NAV1: variants seen among roughly 807,000 people sequenced by gnomAD.
The protein encoded by NAV1 is pore membrane and/or filament interacting like protein 3.
NAV1 carries 18 observed loss-of-function variants against 175.2 expected under a neutral mutation model. That is an observed-to-expected ratio of 0.10 (90% CI 0.07 to 0.15). NAV1 has a LOEUF of 0.15. Among genes scored for constraint, NAV1 ranks in the 10% least tolerant of loss-of-function variants. The pLI is 1.00. For missense variants in NAV1, 1,731 were observed against 2,436.6 expected, an observed-to-expected ratio of 0.71 and a Z score of 6.10; for synonymous variants, 897 against 978.7, an observed-to-expected ratio of 0.92 and a Z score of 1.56.
intron 13 of NAV1, 116 bp from the exon 18 acceptor site, chr1:201,793,676 C>A: frequency 1.2e-6 from 1 of 829,470 alleles, no homozygotes; most frequent in Non-Finnish European, 2.0e-6. Flanking sequence ...AAGAGGTTTG[C>A]TGGCATTGGT....
intron 1 of NAV1, among the ~76,000 whole-genome samples, chr1:201,687,855 C>G: frequency 6.6e-6 from 1 of 152,200 alleles, no homozygotes; most frequent in East Asian, 1.9e-4. Flanking sequence ...CTCCAAGGCC[C>G]TCCCTCAGAT....
At chr1:201,648,804 C>A (rs1264708939) in exon 1 of NAV1, 1 of 1,550,952 alleles carries the variant, frequency 6.4e-7, no homozygotes, top group East Asian at 2.3e-5. Flanking sequence ...GCTGCCCAAG[C>A]GCGCCAAGGC....
intron 15 of NAV1, 112 bp from the exon 20 acceptor site, chr1:201,803,481 T>C: frequency 9.5e-7 from 1 of 1,057,938 alleles, no homozygotes. Context: ...AATAATGTGA[T>C]TGAGGAGTTG....
chr1:201,715,360 A>G (rs1034099496), intron 2 of NAV1, among the ~76,000 whole-genome samples: 1 of 152,160 alleles, frequency 6.6e-6, no homozygotes, highest in South Asian at 2.1e-4. Flanking sequence ...GGGTTTCACC[A>G]TGTTGGCCAG....
At chr1:201,646,202 A>G (rs10920225), upstream of NAV1, among the ~76,000 whole-genome samples, 34,118 of 152,114 alleles carry the variant, frequency 0.22, 4,245 homozygotes, top group Admixed American at 0.37. Flanking sequence ...TCCTTTAACC[A>G]GTTCTTCACT....
At chr1:201,762,018 G>A (rs776129050) in intron 3 of NAV1, among the ~76,000 whole-genome samples, 1 of 152,110 alleles carries the variant, frequency 6.6e-6, no homozygotes, top group Non-Finnish European at 1.5e-5. Context: ...AAATTATCTG[G>A]GCATGGTGGC....
Position 201,718,262 on chromosome 1 carries a change from T to A in NAV1, c.861-128T>A. The A allele has an allele frequency of 1.0e-6, 1 of 976,088 alleles. No homozygotes were observed. The allele number at this position is 976,088 out of a possible 1,614,324, so 60.5% of individuals were successfully genotyped here. A position where few individuals can be genotyped will look rare whatever the true frequency, so the allele number is the denominator to read the frequency against. Reference sequence around the variant, plus strand: ...AGAGGCCTCATGGAGGAGGTGGAGCTTGGGCAGGTGGGGAGGAGGTGACAG... The same window carrying A: ...AGAGGCCTCATGGAGGAGGTGGAGCATGGGCAGGTGGGGAGGAGGTGACAG... On this transcript the variant is annotated intron_variant, in intron 2 of 29. Transcript: ENST00000367296. This position sits in a 1 kb window ranked among gnomAD's most constrained non-coding sequence, Gnocchi z 4.8.
In NAV1 at chr1:201,809,932, G is replaced by T. The variant is rs756809411; in HGVS notation, c.4402-14G>T. 23 of 1,602,334 alleles carry T rather than the reference G, an allele frequency of 1.4e-5. No individual in the cohort carries two copies. Among genetic ancestry groups the T allele is most frequent in the Non-Finnish European group, 1.9e-5 (22 of 1,172,910 alleles). ...TGTATATTTTCTTCTTCTTCTGCCTGTCTTTTCTGTCAGGACTATATTTCT... is the reference window on the plus strand; with the variant it reads ...TGTATATTTTCTTCTTCTTCTGCCTTTCTTTTCTGTCAGGACTATATTTCT... On this transcript the variant is annotated splice_polypyrimidine_tract_variant and intron_variant, in intron 22 of 29. Transcript: ENST00000367296.
intron 2 of NAV1, among the ~76,000 whole-genome samples, chr1:201,713,888 A>T (rs1214480126): frequency 6.6e-6 from 1 of 152,170 alleles, no homozygotes; most frequent in Non-Finnish European, 1.5e-5. Flanking sequence ...TGAGGATGGG[A>T]CCACACCCAT....
chr1:201,702,674 C>CCCTCTCTCTCTCTCTCTT lies in NAV1; in HGVS notation c.758-10143_758-10142insCCTCTCTCTCTCTCTCTT, dbSNP rs1397020969. 2.2e-4 allele frequency among the ~76,000 whole-genome samples: 28 copies of CCCTCTCTCTCTCTCTCTT among 130,156 alleles called. 6 individuals are homozygous for CCCTCTCTCTCTCTCTCTT. The highest frequency in any genetic ancestry group is 8.9e-4 in the African/African-American group (28 of 31,478). The allele number at this position is 130,156 out of a possible 152,430, so 85.4% of individuals were successfully genotyped here. A position where few individuals can be genotyped will look rare whatever the true frequency, so the allele number is the denominator to read the frequency against. ...AAGGGTGAATTTTGGTATGTGAATTCTCTCTCTCTCTCTCTCTCTCTCTCT... is the reference window on the plus strand; with the variant it reads ...AAGGGTGAATTTTGGTATGTGAATTCCCTCTCTCTCTCTCTCTTTCTCTCTCTCTCTCTCTCTCTCTCT... On this transcript the variant is annotated intron_variant, in intron 1 of 29. Coordinates refer to ENST00000367296, the Ensembl canonical transcript of NAV1.
At position 201,689,561 on chromosome 1, in the gene NAV1, T is replaced by C. The variant is rs79804827; in HGVS notation, c.758-23256T>C. The stretch of plus-strand genomic sequence containing the variant: ...GGACAGGCTTTCCTACTTACAAGAG[T>C]AGCATTCTTGCCTGTTCTGGGGGTT... On this transcript the variant is annotated intron_variant, in intron 1 of 29. Transcript: ENST00000367296. Among the ~76,000 whole-genome samples, 424 of 152,150 alleles carry C rather than the reference T, an allele frequency of 2.8e-3. 3 individuals are homozygous for C. Among genetic ancestry groups the C allele is most frequent in the African/African-American group, 9.0e-3 (374 of 41,498 alleles).
chr1:201,693,486 A>G (rs555019630), intron 1 of NAV1, among the ~76,000 whole-genome samples: 3 of 152,252 alleles, frequency 2.0e-5, no homozygotes, highest in East Asian at 3.9e-4. Flanking sequence ...TACATAAGGG[A>G]TGTAGTGTCT....
In NAV1 at chr1:201,787,275, G is replaced by A. The variant is rs1676823589; in HGVS notation, c.2995+698G>A. On this transcript the variant is annotated intron_variant, in intron 9 of 29. Coordinates refer to ENST00000367296, the Ensembl canonical transcript of NAV1. This position sits in a 1 kb window ranked among gnomAD's most constrained non-coding sequence, Gnocchi z 4.3. ...GATTGGCCTACTAGGAATCCATTCA[G>A]GAATAGTGCCTGGGATAGGCCTGTT... is the stretch of plus-strand genomic sequence containing the variant. Among the ~76,000 whole-genome samples the A allele has an allele frequency of 1.3e-5, 2 of 152,234 alleles. No individual in the cohort carries two copies. Among genetic ancestry groups the A allele is most frequent in the African/African-American group, 2.4e-5 (1 of 41,462 alleles).
intron 3 of NAV1, among the ~76,000 whole-genome samples, chr1:201,765,397 T>TTTC (rs1484330611): frequency 4.8e-5 from 7 of 145,242 alleles, no homozygotes; most frequent in African/African-American, 1.8e-4. Context: ...TTTTTTTTTT[T>TTTC]TTTTTTCTTT....
At chr1:201,715,162 G>A (rs1164344508) in intron 2 of NAV1, among the ~76,000 whole-genome samples, 2 of 142,072 alleles carry the variant, frequency 1.4e-5, no homozygotes, top group African/African-American at 5.2e-5. Flanking sequence ...ACTTTTTATG[G>A]CTCTTTTTTT....
chr1:201,692,689 G>C (rs925702957), intron 1 of NAV1, among the ~76,000 whole-genome samples: 2 of 152,214 alleles, frequency 1.3e-5, no homozygotes, highest in Non-Finnish European at 2.9e-5. Context: ...CTGGGAACAC[G>C]GCATGGAACA....
At chr1:201,770,466 G>A (rs570291232) in intron 3 of NAV1, among the ~76,000 whole-genome samples, 20 of 152,308 alleles carry the variant, frequency 1.3e-4, no homozygotes, top group African/African-American at 4.3e-4. Context: ...GAAGGGAATC[G>A]TATAGTGTCC....
At chr1:201,720,264 C>A (rs1359339150) in intron 3 of NAV1, among the ~76,000 whole-genome samples, 4 of 152,228 alleles carry the variant, frequency 2.6e-5, no homozygotes, top group African/African-American at 4.8e-5. Context: ...CTCTGAGAAT[C>A]CCAGGAGGGT....
intron 1 of NAV1, among the ~76,000 whole-genome samples, chr1:201,581,866 C>T (rs1571831574): frequency 6.6e-6 from 1 of 151,928 alleles, no homozygotes. Context: ...TGATAAGGTT[C>T]TAAGAATTTT....
Sources: gnomAD v4.1 joint callset for allele counts (sites outside exome capture counted in the v4.1 genomes callset) on GRCh38, gnomAD v4.1.1 for gene constraint, Gnocchi (gnomAD v3.1) non-coding constraint, MANE v1.5 for transcripts, NCBI Gene and HGNC (gene_info 2026-07-23, HGNC 2026-07-21) for gene names.